DAP3: variants seen among roughly 807,000 people sequenced by gnomAD.
DAP3 encodes the protein small ribosomal subunit protein mS29.
A neutral mutation model predicts 51.9 loss-of-function variants in DAP3; 28 were observed. The ratio of observed to expected loss-of-function variants is 0.54; its 90% CI spans 0.40 to 0.74. The LOEUF (loss-of-function observed/expected upper bound fraction) is 0.74. Ranked by LOEUF, DAP3 falls within the 30% of genes least tolerant of loss-of-function variation. The probability of loss-of-function intolerance (pLI) is 0.00; values close to 1 mark genes in which losing one functional copy is unlikely to be tolerated. For missense variants in DAP3, 458 were observed against 483.5 expected, an observed-to-expected ratio of 0.95 and a Z score of 0.49; for synonymous variants, 170 against 170.3, an observed-to-expected ratio of 1.00 and a Z score of 0.01.
At chr1:155,711,653 A>C (rs1656735856) in intron 2 of DAP3, among the ~76,000 whole-genome samples, 1 of 151,708 alleles carries the variant, frequency 6.6e-6, no homozygotes, top group Admixed American at 6.6e-5. Flanking sequence ...GACAGCACTA[A>C]TAGGATAGAA....
At chr1:155,701,522 A>AT (rs1268490408) in intron 1 of DAP3, among the ~76,000 whole-genome samples, 2 of 114,588 alleles carry the variant, frequency 1.7e-5, no homozygotes, top group Admixed American at 9.2e-5. Flanking sequence ...ATCTCAAGTA[A>AT]TCAGGGACAC....
intron 11 of DAP3, among the ~76,000 whole-genome samples, chr1:155,736,443 G>A (rs1020300195): frequency 2.0e-5 from 3 of 152,074 alleles, no homozygotes; most frequent in African/African-American, 7.2e-5. Context: ...TGTAGACATG[G>A]TCTTACTCTG....
At position 155,715,528 on chromosome 1, in the gene DAP3, A is replaced by AAG. The variant is rs5777953; in HGVS notation, c.46-1458_46-1457dup. 3.2e-3 allele frequency among the ~76,000 whole-genome samples: 475 copies of AAG among 150,374 alleles called. 5 individuals carry two copies. Among genetic ancestry groups the AAG allele is most frequent in the African/African-American group, 0.011 (436 of 40,858 alleles). ...CAGAGCAAGACCCTGTCTTAAAAAA[A>AAG]AGAGAGAGAGAGAGAGAGAGAAGCT... On this transcript the variant is annotated intron_variant, in intron 2 of 12. Coordinates refer to ENST00000368336, the MANE Select transcript of DAP3 (RefSeq NM_004632.4).
chr1:155,725,683 C>T (rs149766534), intron 5 of DAP3, among the ~76,000 whole-genome samples, 193 bp downstream of exon 5: 41 of 152,208 alleles, frequency 2.7e-4, no homozygotes, highest in African/African-American at 8.2e-4. Context: ...GCCAACATGG[C>T]GAAACCCCGC....
At chr1:155,728,721 G>T (rs559810069) in intron 7 of DAP3, among the ~76,000 whole-genome samples, 1 of 152,160 alleles carries the variant, frequency 6.6e-6, no homozygotes, top group Admixed American at 6.5e-5. Flanking sequence ...TTAGCCAGGC[G>T]TGGTGACACA....
intron 12 of DAP3, among the ~76,000 whole-genome samples, chr1:155,737,373 A>G (rs578091104): frequency 6.6e-6 from 1 of 152,348 alleles, no homozygotes; most frequent in East Asian, 1.9e-4. Context: ...TATTTATTCA[A>G]TAGACTTCAC....
rs1415904615 is a variant in DAP3 at position 155,694,591 on chromosome 1, C to T, written c.-8+5417C>T. Among the ~76,000 whole-genome samples, 5 of 143,376 alleles carry T rather than the reference C, an allele frequency of 3.5e-5. 1 individual carries two copies. The highest frequency in any genetic ancestry group is 1.5e-4 in the African/African-American group (5 of 32,778). The allele number at this position is 143,376 out of a possible 152,430, so 94.1% of individuals were successfully genotyped here. ...CTTGATGGGTTTTGTTGGTCTTCAT[C>T]TGGTTGGCTGAAATGTTCATTCGAG... On this transcript the variant is annotated intron_variant, in intron 1 of 12. Coordinates refer to ENST00000368336, the MANE Select transcript of DAP3 (RefSeq NM_004632.4).
At chr1:155,728,821 C>T (rs1019268150) in intron 7 of DAP3, among the ~76,000 whole-genome samples, 1 of 150,236 alleles carries the variant, frequency 6.7e-6, no homozygotes, top group African/African-American at 2.5e-5. Flanking sequence ...GATCATGCCA[C>T]TGCACTTCAG....
Position 155,729,135 on chromosome 1 carries a change from A to G in DAP3, c.684+13A>G. ...AGTGGTTGAACAGGTATAAGAAAAA[A>G]CACTGAATGTGTAACATGCGATAAC... On this transcript the variant is annotated intron_variant, in intron 8 of 12. Transcript: ENST00000368336. The G allele has an allele frequency of 6.2e-7, 1 of 1,614,158 alleles. No homozygotes were observed. The highest frequency in any genetic ancestry group is 8.5e-7 in the Non-Finnish European group (1 of 1,180,032).
At chr1:155,732,228 C>T (rs1571565376) in intron 11 of DAP3, 195 bp downstream of exon 11, 2 of 368,094 alleles carry the variant, frequency 5.4e-6, no homozygotes, top group Non-Finnish European at 4.5e-6. Flanking sequence ...TCCAGAGTTT[C>T]TTTTCTTTTT....
At chr1:155,703,059 G>A (rs571143338) in intron 1 of DAP3, among the ~76,000 whole-genome samples, 1 of 152,308 alleles carries the variant, frequency 6.6e-6, no homozygotes, top group South Asian at 2.1e-4. Flanking sequence ...TAGTTTTGTA[G>A]TAAGTGTTGG....
intron 1 of DAP3, among the ~76,000 whole-genome samples, chr1:155,699,972 C>G (rs1172910514): frequency 6.7e-6 from 1 of 150,158 alleles, no homozygotes; most frequent in Non-Finnish European, 1.5e-5. Context: ...GAGTCTCGCT[C>G]TGTCGCCAGG....
intron 1 of DAP3, among the ~76,000 whole-genome samples, chr1:155,696,217 T>C (rs1654490509): frequency 6.6e-6 from 1 of 152,066 alleles, no homozygotes; most frequent in Non-Finnish European, 1.5e-5. Flanking sequence ...TTGAGGAGTG[T>C]GAAGTAGGGA....
At chr1:155,728,467 C>G (rs1658841973) in intron 7 of DAP3, among the ~76,000 whole-genome samples, 1 of 151,964 alleles carries the variant, frequency 6.6e-6, no homozygotes, top group African/African-American at 2.4e-5. Context: ...GAGGCTGAGG[C>G]AGGGGAATCT....
rs79573036 is a variant in DAP3 at position 155,692,879 on chromosome 1, G to A, written c.-8+3705G>A. 6.3e-5 allele frequency among the ~76,000 whole-genome samples: 9 copies of A among 142,058 alleles called. 1 individual carries two copies. The highest frequency in any genetic ancestry group is 5.8e-4 in the East Asian group (3 of 5,182). 93.2% of individuals were successfully genotyped at this position (142,058 alleles called of 152,430 possible). A position where few individuals can be genotyped will look rare whatever the true frequency, so the allele number is the denominator to read the frequency against. On this transcript the variant is annotated intron_variant, in intron 1 of 12. Transcript: ENST00000368336. ...TGATTTGCCAATTGTTGGTCTATCC[G>A]GGTCTGATAATTCCACAATTTTGAG...
intron 9 of DAP3, 92 bp from the exon 10 acceptor site, chr1:155,731,264 C>CA (rs111619259): frequency 0.18 from 192,812 of 1,065,776 alleles, 475 homozygotes; most frequent in Non-Finnish European, 0.19. Context: ...GAGACTCTGT[C>CA]AAAAAAAAAA....
rs201777168 is a variant in DAP3 at position 155,727,710 on chromosome 1, A to G, written c.575A>G (p.Lys192Arg). Residue 192 changes from lysine to arginine, a missense_variant, in exon 7 of 13, where the codon AAA becomes AGA. By Grantham distance (26) the Lys-to-Arg change is conservative (BLOSUM62 2). Coordinates refer to ENST00000368336, the MANE Select transcript of DAP3 (RefSeq NM_004632.4). ...GCTTCAACCTGGCTGAAGAATTTCA[A>G]AACTACAAATGAGCGCTTCCTGAAC... The part of the protein sequence containing the change: ...LEASTWLKNF[K>R]TTNERFLNQI... 103 of 1,613,610 alleles carry G rather than the reference A, an allele frequency of 6.4e-5. No individual in the cohort carries two copies. The highest frequency in any genetic ancestry group is 2.1e-5 in the Non-Finnish European group (25 of 1,179,816).
intron 1 of DAP3, among the ~76,000 whole-genome samples, chr1:155,699,612 C>A (rs1374808196): frequency 1.3e-5 from 2 of 152,020 alleles, no homozygotes; most frequent in Admixed American, 6.6e-5. Flanking sequence ...AAATATTTTT[C>A]CTTTTCATTT....
At chr1:155,690,724 C>G (rs1213170954) in intron 1 of DAP3, among the ~76,000 whole-genome samples, 1 of 141,672 alleles carries the variant, frequency 7.1e-6, no homozygotes, top group Non-Finnish European at 1.5e-5. Flanking sequence ...CTTTGCAACT[C>G]TTCTGTAAAT....
Sources: gnomAD v4.1 joint callset for allele counts (sites outside exome capture counted in the v4.1 genomes callset) on GRCh38, gnomAD v4.1.1 for gene constraint, MANE v1.5 for transcripts, NCBI Gene and HGNC (gene_info 2026-07-23, HGNC 2026-07-21) for gene names.